The following SKIC3 variants were observed in gnomAD, a reference collection of about 807,000 sequenced individuals.
SKIC3 encodes the protein superkiller complex protein 3.
chr5:95,514,974 T>C, the SKIC3 span: 1 of 1,558,036 alleles, frequency 6.4e-7, no homozygotes, highest in Non-Finnish European at 8.8e-7. Flanking sequence ...ATAAACTTAT[T>C]AAACCGCTTA....
chr5:95,468,020 A>G, the SKIC3 span: 1 of 1,611,398 alleles, frequency 6.2e-7, no homozygotes, highest in Non-Finnish European at 8.5e-7. Flanking sequence ...TTTAGTCCAA[A>G]GCATGCAAAT....
the SKIC3 span, chr5:95,498,723 T>A: frequency 2.5e-6 from 2 of 812,934 alleles, no homozygotes; most frequent in South Asian, 3.1e-5. Context: ...CCTCCCAGGT[T>A]CACGCCATTC....
the SKIC3 span, chr5:95,490,918 A>C: frequency 6.2e-7 from 1 of 1,614,040 alleles, no homozygotes; most frequent in African/African-American, 1.3e-5. Context: ...TTGAAGCAGA[A>C]ACAGCAGATA....
the SKIC3 span, chr5:95,504,035 G>T: frequency 8.1e-7 from 1 of 1,237,978 alleles, no homozygotes; most frequent in Non-Finnish European, 1.1e-6. Context: ...TGGGCCGGAC[G>T]CGGTGGCTCA....
At chr5:95,492,652 G>GAAAAAAAAAAAAAAAAAAAAAA in the SKIC3 span, among the ~76,000 whole-genome samples, 32 of 48,838 alleles carry the variant, frequency 6.6e-4, 10 homozygotes, top group Non-Finnish European at 8.2e-4. Context: ...AAAAAAAAAA[G>GAAAAAAAAAAAAAAAAAAAAAA]AAAAAAAAAA....
chr5:95,523,371 A>G, the SKIC3 span: 8 of 1,569,308 alleles, frequency 5.1e-6, no homozygotes, highest in Non-Finnish European at 5.2e-6. Context: ...GAACATTATA[A>G]AAAGACAGAA....
chr5:95,513,205 A>C, the SKIC3 span: 1 of 222,452 alleles, frequency 4.5e-6, no homozygotes, highest in Non-Finnish European at 9.0e-6. Context: ...CTATCTATTC[A>C]TTTTCTTTTT....
At chr5:95,542,895 T>C in the SKIC3 span, among the ~76,000 whole-genome samples, 2 of 152,186 alleles carry the variant, frequency 1.3e-5, no homozygotes, top group Admixed American at 6.5e-5. Context: ...AAGAATAATA[T>C]TGTGGAGAAG....
chr5:95,474,403 A>G, the SKIC3 span, among the ~76,000 whole-genome samples: 1 of 152,248 alleles, frequency 6.6e-6, no homozygotes, highest in Non-Finnish European at 1.5e-5. Context: ...ACAAGAAAAT[A>G]AAGAAAAGAA....
chr5:95,523,073 C>A, the SKIC3 span: 2 of 1,273,140 alleles, frequency 1.6e-6, no homozygotes, highest in Non-Finnish European at 2.2e-6. Context: ...CAATAAACAC[C>A]AATCAATCAT....
the SKIC3 span, among the ~76,000 whole-genome samples, chr5:95,538,887 A>G: frequency 2.0e-5 from 3 of 152,210 alleles, no homozygotes; most frequent in African/African-American, 7.2e-5. Context: ...GTAAAGAAAC[A>G]CACCTTTAAA....
the SKIC3 span, among the ~76,000 whole-genome samples, chr5:95,490,138 C>T: frequency 1.3e-5 from 2 of 152,018 alleles, no homozygotes; most frequent in South Asian, 4.1e-4. Flanking sequence ...ACAATGTTAA[C>T]TAAATCTGAT....
chr5:95,479,863 C>T, the SKIC3 span, among the ~76,000 whole-genome samples: 1 of 151,798 alleles, frequency 6.6e-6, no homozygotes, highest in African/African-American at 2.4e-5. Context: ...TTAATGTTAC[C>T]ACATATTAAG....
At chr5:95,509,739 C>G in the SKIC3 span, 2 of 1,207,498 alleles carry the variant, frequency 1.7e-6, no homozygotes. Flanking sequence ...ATGGTATTAA[C>G]AAAATATTCG....
the SKIC3 span, among the ~76,000 whole-genome samples, chr5:95,535,756 G>C: frequency 6.6e-6 from 1 of 152,082 alleles, no homozygotes; most frequent in Non-Finnish European, 1.5e-5. Flanking sequence ...TTTAGCAGTA[G>C]TTTTCAACCC....
the SKIC3 span, among the ~76,000 whole-genome samples, chr5:95,545,414 C>G: frequency 6.6e-6 from 1 of 152,128 alleles, no homozygotes; most frequent in Non-Finnish European, 1.5e-5. Flanking sequence ...ATGTATACTG[C>G]CCAGTCTTGC....
At chr5:95,543,411 A>G in the SKIC3 span, 5 of 1,477,724 alleles carry the variant, frequency 3.4e-6, no homozygotes, top group East Asian at 2.3e-5. Context: ...AGCATGAGTC[A>G]GGAAATCTAT....
the SKIC3 span, among the ~76,000 whole-genome samples, chr5:95,543,017 T>C: frequency 6.6e-6 from 1 of 152,132 alleles, no homozygotes; most frequent in East Asian, 1.9e-4. Flanking sequence ...TTTGCACCAC[T>C]TTTTTTCTAA....
At chr5:95,517,853 C>G in the SKIC3 span, among the ~76,000 whole-genome samples, 1 of 152,114 alleles carries the variant, frequency 6.6e-6, no homozygotes. Context: ...GTGATGATGT[C>G]ATGAGGGCTC....
Sources: allele counts gnomAD v4.1 joint callset (sites outside exome capture counted in the v4.1 genomes callset), GRCh38; gene constraint gnomAD v4.1.1; transcripts MANE v1.5; gene names NCBI Gene and HGNC (gene_info 2026-07-23, HGNC 2026-07-21).